Variants in PITPNM2 observed in about 807,000 individuals in gnomAD.
PITPNM2 encodes the protein phosphatidylinositol transfer protein membrane associated 2.
Under a neutral mutation model 132.2 loss-of-function variants are expected in PITPNM2, and 35 were observed. The ratio of observed to expected loss-of-function variants is 0.26; its 90% confidence interval spans 0.20 to 0.35. The LOEUF (loss-of-function observed/expected upper bound fraction) is 0.35. Among genes scored for constraint, PITPNM2 ranks in the 10% least tolerant of loss-of-function variants. PITPNM2 has a pLI of 1.00. For missense variants in PITPNM2, 1,332 were observed against 1,912.0 expected (o/e 0.70, Z 5.66); for synonymous variants, 738 against 799.2 (o/e 0.92, Z 1.29).
intron 1 of PITPNM2, among the ~76,000 whole-genome samples, chr12:123,121,157 A>G (rs1405221931): frequency 1.3e-5 from 2 of 152,224 alleles, no homozygotes; most frequent in African/African-American, 4.8e-5. Flanking sequence ...AGGCCTGGCC[A>G]AGCTCTCACC....
chr12:123,001,809 C>T lies in PITPNM2; in HGVS notation c.1049-651G>A, dbSNP rs574099731. 3.3e-5 allele frequency among the ~76,000 whole-genome samples: 5 copies of T among 151,832 alleles called. No individual in the cohort carries two copies. The East Asian group carries it at 9.8e-4, about 30-fold the overall frequency. On this transcript the variant is annotated intron_variant, in intron 8 of 25. Transcript: ENST00000320201. ...ACTCTGGGAGGCTGAGGTGGGTGGA[C>T]TGCTTGAGGTCAGGAGTTCAAGACC... is the stretch of plus-strand genomic sequence containing the variant.
intron 2 of PITPNM2, among the ~76,000 whole-genome samples, chr12:123,043,756 C>T (rs1392274387): frequency 6.6e-6 from 1 of 152,228 alleles, no homozygotes; most frequent in East Asian, 1.9e-4. Context: ...TGGTACAGAC[C>T]ACAGAGCAGG....
rs1020219351 is a variant in PITPNM2 at position 123,099,177 on chromosome 12, A to G, written c.-96+11208T>C. On this transcript the variant is annotated intron_variant, in intron 2 of 25. Coordinates refer to ENST00000320201, the MANE Select transcript of PITPNM2 (RefSeq NM_020845.3). This position sits in a 1 kb window ranked among gnomAD's most constrained non-coding sequence, Gnocchi z 4.2. ...TCAGTGGGCACAGCAAGCACCTGCC[A>G]GATAAGGGAGGCAACTGATTCCCTC... Among the ~76,000 whole-genome samples the G allele has an allele frequency of 3.3e-5, 5 of 152,114 alleles. No homozygotes were observed. The highest frequency in any genetic ancestry group is 7.4e-5 in the Non-Finnish European group (5 of 67,998).
Position 123,005,693 on chromosome 12 carries a change from C to T in PITPNM2, c.644-145G>A. On this transcript the variant is annotated intron_variant, in intron 6 of 25. Coordinates refer to ENST00000320201, the MANE Select transcript of PITPNM2 (RefSeq NM_020845.3). This position sits in a 1 kb window ranked among gnomAD's most constrained non-coding sequence, Gnocchi z 6.2. Reference sequence around the variant, plus strand: ...AACTAAAGTCACTGCCTGTCTGTGCCTCAGTTTCCCCATTTGTAAAATAAG... The same window carrying T: ...AACTAAAGTCACTGCCTGTCTGTGCTTCAGTTTCCCCATTTGTAAAATAAG... 2 of 710,398 alleles carry T rather than the reference C, an allele frequency of 2.8e-6. No homozygotes were observed. Among genetic ancestry groups the T allele is most frequent in the Non-Finnish European group, 2.3e-6 (1 of 429,078 alleles). The allele number at this position is 710,398 out of a possible 1,614,324, so 44.0% of individuals were successfully genotyped here. A position where few individuals can be genotyped will look rare whatever the true frequency, so the allele number is the denominator to read the frequency against.
intron 2 of PITPNM2, among the ~76,000 whole-genome samples, chr12:123,096,595 G>A (rs946802814): frequency 6.6e-6 from 1 of 152,176 alleles, no homozygotes; most frequent in Non-Finnish European, 1.5e-5. Flanking sequence ...AAGGTGTGAG[G>A]AAGGAGCAGA....
intron 1 of PITPNM2, among the ~76,000 whole-genome samples, chr12:123,134,816 G>C (rs2043341428): frequency 6.6e-6 from 1 of 152,086 alleles, no homozygotes; most frequent in Non-Finnish European, 1.5e-5. Context: ...TGTTAGCCAT[G>C]GGACCTTGAG....
intron 1 of PITPNM2, among the ~76,000 whole-genome samples, chr12:123,128,002 T>TAA (rs2043183587): frequency 6.6e-6 from 1 of 151,936 alleles, no homozygotes; most frequent in Non-Finnish European, 1.5e-5. Flanking sequence ...CAACAGACAT[T>TAA]AAAAGGAATG....
rs1052863734 is a variant in PITPNM2 at position 123,097,431 on chromosome 12, G to C, written c.-96+12954C>G. Among the ~76,000 whole-genome samples the C allele has an allele frequency of 3.3e-5, 5 of 152,164 alleles. No homozygotes were observed. Among genetic ancestry groups the C allele is most frequent in the African/African-American group, 1.2e-4 (5 of 41,438 alleles). On this transcript the variant is annotated intron_variant, in intron 2 of 25. Coordinates refer to ENST00000320201, the MANE Select transcript of PITPNM2 (RefSeq NM_020845.3). This position sits in a 1 kb window ranked among gnomAD's most constrained non-coding sequence, Gnocchi z 4.7. ...TTTCTGCACAGTCCTCAAGAGGCCA[G>C]CACCTCCTTTCCTCTCCTTGGCAGA... is the stretch of plus-strand genomic sequence containing the variant.
In PITPNM2 at chr12:123,147,323, T is replaced by A. The variant is rs1170093269; in HGVS notation, c.-200+3430A>T. On this transcript the variant is annotated intron_variant, in intron 1 of 25. Coordinates refer to ENST00000320201, the MANE Select transcript of PITPNM2 (RefSeq NM_020845.3). ...GTTAGGTACAATGTTACCTTTTTAT[T>A]TTTATTTATTTTTTCTTTTCTCACT... 3.3e-5 allele frequency among the ~76,000 whole-genome samples: 5 copies of A among 152,204 alleles called. No individual in the cohort carries two copies. In the South Asian group the frequency reaches 1.0e-3, roughly 32 times the overall value.
At chr12:123,116,245 C>G (rs1254649900) in intron 1 of PITPNM2, among the ~76,000 whole-genome samples, 1 of 152,166 alleles carries the variant, frequency 6.6e-6, no homozygotes, top group Non-Finnish European at 1.5e-5. Context: ...ATGTTCACAG[C>G]AGCAATCTTC....
chr12:123,032,823 G>C (rs2040140225), intron 3 of PITPNM2, among the ~76,000 whole-genome samples: 1 of 152,232 alleles, frequency 6.6e-6, no homozygotes, highest in Admixed American at 6.5e-5. Context: ...TATCGGGTAA[G>C]TGGTTCAAGA....
At chr12:123,126,374 G>A (rs1296119015) in intron 1 of PITPNM2, among the ~76,000 whole-genome samples, 2 of 152,138 alleles carry the variant, frequency 1.3e-5, no homozygotes, top group African/African-American at 4.8e-5. Flanking sequence ...AGTCTGGCAA[G>A]CAAGCTGACT....
intron 3 of PITPNM2, chr12:123,021,705 G>A: frequency 2.0e-6 from 2 of 985,224 alleles, no homozygotes; most frequent in Non-Finnish European, 2.4e-6. Flanking sequence ...GTCCAAGAGG[G>A]GCTCCCTCTC....
chr12:123,061,694 G>C (rs374544652), intron 2 of PITPNM2, among the ~76,000 whole-genome samples: 2 of 152,200 alleles, frequency 1.3e-5, no homozygotes, highest in African/African-American at 2.4e-5. Flanking sequence ...GTCAGAAAAA[G>C]GGGGAAGCCT....
rs140420069 is a variant in PITPNM2 at position 123,006,522 on chromosome 12, G to C, written c.644-974C>G. On this transcript the variant is annotated intron_variant, in intron 6 of 25. Coordinates refer to ENST00000320201, the MANE Select transcript of PITPNM2 (RefSeq NM_020845.3). Reference sequence around the variant, plus strand: ...TTCAGACCAGCCTGGGCAACACAGGGAGATCCCCCATCTCTACCAGAAAAG... The same window carrying C: ...TTCAGACCAGCCTGGGCAACACAGGCAGATCCCCCATCTCTACCAGAAAAG... Among the ~76,000 whole-genome samples, 56 of 150,502 alleles carry C rather than the reference G, an allele frequency of 3.7e-4. 1 individual carries two copies. Among genetic ancestry groups the C allele is most frequent in the Admixed American group, 1.6e-3 (24 of 15,094 alleles).
intron 1 of PITPNM2, among the ~76,000 whole-genome samples, chr12:123,115,146 G>C (rs1186078800): frequency 6.6e-6 from 1 of 152,142 alleles, no homozygotes. Context: ...CCTCCCACAG[G>C]CCAAGAGGAG....
At position 123,023,391 on chromosome 12, in the gene PITPNM2, T is replaced by C. The variant is rs1413643412; in HGVS notation, c.79-9349A>G. On this transcript the variant is annotated intron_variant, in intron 3 of 25. Transcript: ENST00000320201. The surrounding 1 kb of genome is among the most constrained non-coding windows in gnomAD (Gnocchi z 4.8). ...GAAGGTGCACGTGACCAGAGCCATC[T>C]CTAGAGAAGGCAAAAAATGGAACCA... is the stretch of plus-strand genomic sequence containing the variant. Among the ~76,000 whole-genome samples the C allele has an allele frequency of 1.3e-5, 2 of 152,176 alleles. No homozygotes were observed. Among genetic ancestry groups the C allele is most frequent in the African/African-American group, 2.4e-5 (1 of 41,444 alleles).
intron 2 of PITPNM2, among the ~76,000 whole-genome samples, chr12:123,085,688 T>TA (rs917971401): frequency 1.7e-3 from 253 of 150,782 alleles, no homozygotes; most frequent in African/African-American, 5.8e-3. Flanking sequence ...TTTACCACAA[T>TA]AAAAAAAAAT....
At chr12:123,035,000 A>T (rs117667754) in intron 2 of PITPNM2, among the ~76,000 whole-genome samples, 1,760 of 152,336 alleles carry the variant, frequency 0.012, 37 homozygotes, top group South Asian at 0.057. Flanking sequence ...TTTTACTCAC[A>T]ATCCTAACAA....
Sources: allele counts gnomAD v4.1 joint callset (sites outside exome capture counted in the v4.1 genomes callset), GRCh38; gene constraint gnomAD v4.1.1; non-coding constraint Gnocchi (gnomAD v3.1); transcripts MANE v1.5; gene names NCBI Gene and HGNC (gene_info 2026-07-23, HGNC 2026-07-21).